TAB2: variants seen among roughly 807,000 people sequenced by gnomAD.
TAB2 encodes the protein TGF-beta activated kinase 1 (MAP3K7) binding protein 2.
TAB2 carries 3 observed loss-of-function variants against 65.0 expected under a neutral mutation model. That is an observed-to-expected ratio of 0.05 (90% CI 0.02 to 0.12). The LOEUF (loss-of-function observed/expected upper bound fraction) is 0.12. Among genes scored for constraint, TAB2 ranks in the 10% least tolerant of loss-of-function variants. The probability of loss-of-function intolerance (pLI) is 1.00; values close to 1 mark genes in which losing one functional copy is unlikely to be tolerated. For synonymous variants in TAB2, 298 were observed against 285.1 expected (o/e 1.05, Z -0.46); for missense variants, 623 against 840.3 (o/e 0.74, Z 3.20).
chr6:149,396,706 A>G (rs1283233348), intron 3 of TAB2, among the ~76,000 whole-genome samples: 1 of 152,212 alleles, frequency 6.6e-6, no homozygotes, highest in African/African-American at 2.4e-5. Context: ...ATGCTGCAGG[A>G]TTGATTGCTT....
chr6:149,334,676 T>TA (rs944087167), intron 1 of TAB2, among the ~76,000 whole-genome samples: 1,937 of 138,318 alleles, frequency 0.014, 32 homozygotes, highest in African/African-American at 0.045. Context: ...CCTTGTCTCT[T>TA]AAAAAAAAAA....
intron 1 of TAB2, among the ~76,000 whole-genome samples, chr6:149,360,437 G>A (rs1163376886): frequency 6.6e-6 from 1 of 152,182 alleles, no homozygotes; most frequent in Non-Finnish European, 1.5e-5. Context: ...AAGGGAGGAG[G>A]AAGTTTTAAA....
intron 1 of TAB2, among the ~76,000 whole-genome samples, chr6:149,285,935 G>A (rs913180727): frequency 1.3e-5 from 2 of 152,058 alleles, no homozygotes; most frequent in East Asian, 3.8e-4. Flanking sequence ...CTCTGAGAAC[G>A]CACGTTGAGA....
intron 1 of TAB2, among the ~76,000 whole-genome samples, chr6:149,231,430 G>A (rs901721502): frequency 4.6e-5 from 7 of 152,198 alleles, no homozygotes; most frequent in Admixed American, 2.0e-4. Context: ...TAAATTGCAT[G>A]TATGTATGTA....
chr6:149,398,905 T>A (rs1782268260), intron 5 of TAB2, among the ~76,000 whole-genome samples, 199 bp from the exon 6 acceptor site: 1 of 152,146 alleles, frequency 6.6e-6, no homozygotes, highest in African/African-American at 2.4e-5. Flanking sequence ...TACCCGTGTT[T>A]ATGAGTACTA....
chr6:149,231,495 C>T (rs1777403866), intron 1 of TAB2, among the ~76,000 whole-genome samples: 1 of 152,154 alleles, frequency 6.6e-6, no homozygotes, highest in Admixed American at 6.5e-5. Context: ...AATTTTCCTA[C>T]AAATTAAATT....
At position 149,357,430 on chromosome 6, in the gene TAB2, AACACACACAC is replaced by A. The variant is rs1554261742; in HGVS notation, c.-89-12451_-89-12442del. On this transcript the variant is annotated intron_variant, in intron 1 of 6. Coordinates refer to ENST00000637181, the MANE Select transcript of TAB2 (RefSeq NM_001292034.3). ...GACTCCGTCTCAAGGAGAAAAAAAA[AACACACACAC>A]ACACACACACACACACACACACACA... Among the ~76,000 whole-genome samples, 11 of 111,186 alleles carry A rather than the reference AACACACACAC, an allele frequency of 9.9e-5. No homozygotes were observed. The South Asian group carries it at 1.7e-3, about 18-fold the overall frequency. The allele number at this position is 111,186 out of a possible 152,430, so 72.9% of individuals were successfully genotyped here.
At chr6:149,287,413 C>T (rs148177120) in intron 1 of TAB2, among the ~76,000 whole-genome samples, 247 of 151,430 alleles carry the variant, frequency 1.6e-3, no homozygotes, top group Middle Eastern at 6.8e-3. Flanking sequence ...AATATTAAAT[C>T]GGTAGAAATA....
chr6:149,400,875 T>C, intron 6 of TAB2: 1 of 611,126 alleles, frequency 1.6e-6, no homozygotes, highest in Non-Finnish European at 2.8e-6. Context: ...AGCATATTGC[T>C]TTTTTCTTCA....
At chr6:149,239,159 C>G (rs1341093378) in intron 1 of TAB2, among the ~76,000 whole-genome samples, 2 of 152,230 alleles carry the variant, frequency 1.3e-5, no homozygotes, top group African/African-American at 4.8e-5. Flanking sequence ...AGATACCACA[C>G]AGGCAGAGCA....
intron 1 of TAB2, among the ~76,000 whole-genome samples, chr6:149,252,842 G>A (rs567918735): frequency 6.6e-6 from 1 of 152,264 alleles, no homozygotes; most frequent in South Asian, 2.1e-4. Flanking sequence ...AGGATGGTGT[G>A]TCACTTCCAC....
chr6:149,312,444 C>A (rs1373077676), intron 1 of TAB2, among the ~76,000 whole-genome samples: 1 of 152,132 alleles, frequency 6.6e-6, no homozygotes, highest in East Asian at 1.9e-4. Context: ...CTCACTGCAA[C>A]CTCAGCCTCC....
At chr6:149,256,692 C>T (rs1307973156) in intron 1 of TAB2, among the ~76,000 whole-genome samples, 1 of 152,138 alleles carries the variant, frequency 6.6e-6, no homozygotes, top group African/African-American at 2.4e-5. Flanking sequence ...CAGTACAGTT[C>T]CTGCATTTGG....
intron 1 of TAB2, among the ~76,000 whole-genome samples, chr6:149,258,384 C>A (rs1338177991): frequency 3.3e-5 from 5 of 150,856 alleles, no homozygotes; most frequent in Non-Finnish European, 7.4e-5. Context: ...CTCTCACATG[C>A]CAGAGTGAGC....
rs778523605 is a variant in TAB2 at position 149,370,066 on chromosome 6, A to T, written c.69A>T (p.Val23=). 7 of 1,614,110 alleles carry T rather than the reference A, an allele frequency of 4.3e-6. No individual in the cohort carries two copies. The highest frequency in any genetic ancestry group is 4.2e-6 in the Non-Finnish European group (5 of 1,179,986). Reference sequence around the variant, plus strand: ...ACCTGCGACAAAAATTCCCTGAAGTACCTGAAGTTGTTGTATCCAGGTGCA... The same window carrying T: ...ACCTGCGACAAAAATTCCCTGAAGTTCCTGAAGTTGTTGTATCCAGGTGCA... ...LHDLRQKFPE[V]PEVVVSRCML... The change falls in exon 2 of 7, where the codon GTA becomes GTT. Residue 23 remains valine (V), a synonymous_variant. Coordinates refer to ENST00000637181, the MANE Select transcript of TAB2 (RefSeq NM_001292034.3).
At position 149,339,605 on chromosome 6, in the gene TAB2, ATTT is replaced by A. The variant is rs1169597449; in HGVS notation, c.-90+21603_-90+21605del. Among the ~76,000 whole-genome samples, 18 of 51,208 alleles carry A rather than the reference ATTT, an allele frequency of 3.5e-4. 1 individual carries two copies. Among genetic ancestry groups the A allele is most frequent in the East Asian group, 1.6e-3 (6 of 3,858 alleles). The allele number at this position is 51,208 out of a possible 152,430, so 33.6% of individuals were successfully genotyped here. A position where few individuals can be genotyped will look rare whatever the true frequency, so the allele number is the denominator to read the frequency against. On this transcript the variant is annotated intron_variant, in intron 1 of 6. Coordinates refer to ENST00000637181, the MANE Select transcript of TAB2 (RefSeq NM_001292034.3). ...ATCTTTTTTATTTATTTATTTATTT[ATTT>A]TTTTTTTTTTTTGAGACGGAGTCTC... is the stretch of plus-strand genomic sequence containing the variant.
intron 1 of TAB2, among the ~76,000 whole-genome samples, chr6:149,310,960 A>C (rs1176013112): frequency 6.6e-6 from 1 of 152,124 alleles, no homozygotes; most frequent in Admixed American, 6.6e-5. Context: ...TATTGCCACA[A>C]GTGTGTTTGC....
In TAB2 at chr6:149,370,061, G is replaced by C. The variant is rs758947460; in HGVS notation, c.64G>C (p.Glu22Gln). The change falls in exon 2 of 7, where the codon GAA becomes CAA. Residue 22 changes from glutamate (E) to glutamine (Q), a missense_variant. Glu to Gln is a conservative substitution (Grantham distance 29). Around this residue, in one of 3 missense-constraint regions of TAB2, gnomAD observed 17 missense variants for 44.2 expected, o/e 0.38. Coordinates refer to ENST00000637181, the MANE Select transcript of TAB2 (RefSeq NM_001292034.3). ...ACATGACCTGCGACAAAAATTCCCT[G>C]AAGTACCTGAAGTTGTTGTATCCAG... ...VLHDLRQKFP[E>Q]VPEVVVSRCM... The C allele has an allele frequency of 1.2e-6, 2 of 1,614,062 alleles. No individual in the cohort carries two copies. Among genetic ancestry groups the C allele is most frequent in the Admixed American group, 1.7e-5 (1 of 60,010 alleles).
At chr6:149,284,242 C>G (rs1165678775) in intron 1 of TAB2, among the ~76,000 whole-genome samples, 1 of 152,112 alleles carries the variant, frequency 6.6e-6, no homozygotes, top group Non-Finnish European at 1.5e-5. Context: ...CCCCACATAC[C>G]CAGCCTGAGT....
Sources: allele counts gnomAD v4.1 joint callset (sites outside exome capture counted in the v4.1 genomes callset), GRCh38; gene constraint gnomAD v4.1.1; regional missense constraint gnomAD v4.1.1; transcripts MANE v1.5; gene names NCBI Gene and HGNC (gene_info 2026-07-23, HGNC 2026-07-21).